Variants in TSPEAR observed in about 807,000 individuals in gnomAD.
TSPEAR encodes the protein thrombospondin type laminin G domain and EAR repeats, also known as thrombospondin-type laminin G domain and EAR repeat-containing protein.
A neutral mutation model predicts 71.6 loss-of-function variants in TSPEAR; 69 were observed. The ratio of observed to expected loss-of-function variants is 0.96; its 90% CI spans 0.79 to 1.18. TSPEAR has a LOEUF of 1.18. Among genes scored for constraint, TSPEAR ranks in the 50% most tolerant of loss-of-function variants. The pLI is 0.00. For synonymous variants in TSPEAR, 402 were observed against 387.2 expected, an observed-to-expected ratio of 1.04 and a Z score of -0.45; for missense variants, 971 against 894.9, an observed-to-expected ratio of 1.09 and a Z score of -1.09.
At chr21:44,647,097 T>C in intron 1 of TSPEAR, 1 of 1,613,188 alleles carries the variant, frequency 6.2e-7, no homozygotes, top group African/African-American at 1.3e-5. Flanking sequence ...GGGCTTCCTC[T>C]TCACGCTGCC....
chr21:44,636,921 G>A lies in TSPEAR; in HGVS notation c.83-68916C>T, dbSNP rs371475319. On this transcript the variant is annotated intron_variant, in intron 1 of 11. Transcript: ENST00000323084. The stretch of plus-strand genomic sequence containing the variant: ...AGGATCTCAGAAGATCCCAGAGCCC[G>A]CCAGGAAGCGCTGTCTTCAAGCATC... Among the ~76,000 whole-genome samples, 13 of 138,578 alleles carry A rather than the reference G, an allele frequency of 9.4e-5. No homozygotes were observed. In the East Asian group the frequency reaches 1.9e-3, roughly 21 times the overall value. The allele number at this position is 138,578 out of a possible 152,430, so 90.9% of individuals were successfully genotyped here.
chr21:44,707,391 G>T (rs1190339634), intron 1 of TSPEAR, among the ~76,000 whole-genome samples: 1 of 152,214 alleles, frequency 6.6e-6, no homozygotes, highest in Non-Finnish European at 1.5e-5. Context: ...GCTGCGGGGC[G>T]CAGGGAGGGG....
intron 2 of TSPEAR, among the ~76,000 whole-genome samples, chr21:44,542,749 AAAAAAAAAAG>A (rs2053241760): frequency 6.6e-6 from 1 of 150,508 alleles, no homozygotes; most frequent in Non-Finnish European, 1.5e-5. Context: ...TGTTAAAAAA[AAAAAAAAAAG>A]AAAAAGAAAA....
chr21:44,706,646 G>A (rs1022278637), intron 1 of TSPEAR, among the ~76,000 whole-genome samples: 3 of 152,238 alleles, frequency 2.0e-5, no homozygotes, highest in African/African-American at 7.2e-5. Flanking sequence ...CAGAGGTGTC[G>A]GGGATCGAGC....
chr21:44,708,225 GGGGAGCTGGGCCCCCTGGACAGA>G (rs1249416102), intron 1 of TSPEAR, among the ~76,000 whole-genome samples: 2 of 152,060 alleles, frequency 1.3e-5, no homozygotes, highest in African/African-American at 2.4e-5. Flanking sequence ...TGGTCTGAGT[GGGGAGCTGGGCCCCCTGGACAGA>G]GGACTGGGCT....
At chr21:44,628,779 C>A (rs1375576662) in intron 1 of TSPEAR, among the ~76,000 whole-genome samples, 2 of 152,192 alleles carry the variant, frequency 1.3e-5, no homozygotes, top group Non-Finnish European at 2.9e-5. Context: ...GCTGTCCCAG[C>A]ACTCAGGAGT....
intron 1 of TSPEAR, among the ~76,000 whole-genome samples, chr21:44,634,470 A>G (rs1474034035): frequency 6.6e-6 from 1 of 152,222 alleles, no homozygotes; most frequent in African/African-American, 2.4e-5. Context: ...CAACAAAAGG[A>G]AAAAATAGAT....
intron 1 of TSPEAR, among the ~76,000 whole-genome samples, chr21:44,690,143 G>T (rs147045519): frequency 2.0e-5 from 3 of 152,022 alleles, no homozygotes; most frequent in African/African-American, 7.2e-5. Context: ...TTGAGAAATC[G>T]CTCTGATTTG....
intron 1 of TSPEAR, among the ~76,000 whole-genome samples, chr21:44,707,310 G>GT (rs2146339874): frequency 6.6e-6 from 1 of 152,028 alleles, no homozygotes; most frequent in Non-Finnish European, 1.5e-5. Flanking sequence ...GGTGGGGGGG[G>GT]GTGCGGGGAG....
At chr21:44,549,354 T>C (rs983931931) in intron 2 of TSPEAR, among the ~76,000 whole-genome samples, 15 of 152,180 alleles carry the variant, frequency 9.9e-5, no homozygotes, top group African/African-American at 3.6e-4. Context: ...CCTTGCCATA[T>C]CTCACAAGAG....
intron 2 of TSPEAR, among the ~76,000 whole-genome samples, chr21:44,545,022 T>TAA (rs587772545): frequency 7.0e-6 from 1 of 143,122 alleles, no homozygotes; most frequent in Non-Finnish European, 1.5e-5. Context: ...TCTCTGTAAT[T>TAA]AAAAAAAAAA....
chr21:44,518,391 A>G (rs2052652479), intron 9 of TSPEAR: 1 of 425,204 alleles, frequency 2.4e-6, no homozygotes, highest in Non-Finnish European at 4.8e-6. Context: ...TGAAGAAGAC[A>G]CTGTAAATTG....
chr21:44,629,421 A>C (rs1983123148), intron 1 of TSPEAR, among the ~76,000 whole-genome samples: 2 of 152,250 alleles, frequency 1.3e-5, no homozygotes, highest in South Asian at 4.1e-4. Flanking sequence ...CTGTGTCCTT[A>C]CGGGGCTGTC....
At chr21:44,547,191 G>C (rs2053315719) in intron 2 of TSPEAR, among the ~76,000 whole-genome samples, 1 of 152,122 alleles carries the variant, frequency 6.6e-6, no homozygotes, top group South Asian at 2.1e-4. Flanking sequence ...ATTTATTTCA[G>C]TTGTTGTAAT....
chr21:44,498,018 G>A lies in TSPEAR; in HGVS notation c.*1765C>T, dbSNP rs1360506758. 3.9e-5 allele frequency: 6 copies of A among 152,328 alleles called. No homozygotes were observed. Among genetic ancestry groups the A allele is most frequent in the African/African-American group, 1.4e-4 (6 of 41,462 alleles). The allele number at this position is 152,328 out of a possible 1,614,324, so 9.4% of individuals were successfully genotyped here. The stretch of plus-strand genomic sequence containing the variant: ...GAAAAGCCGGCTGGAGGGGGCAGAG[G>A]GAGGAGGGTGTGGTCACATGACTGA... On this transcript the variant is annotated 3_prime_UTR_variant, in exon 12 of 12. Transcript: ENST00000323084.
At chr21:44,644,986 G>A (rs7280471) in intron 1 of TSPEAR, among the ~76,000 whole-genome samples, 116,946 of 152,082 alleles carry the variant, frequency 0.77, 45,283 homozygotes, top group African/African-American at 0.86. Context: ...GACTGTCATC[G>A]GCAACACTGG....
intron 1 of TSPEAR, chr21:44,702,409 T>C: frequency 8.6e-7 from 1 of 1,157,390 alleles, no homozygotes; most frequent in Non-Finnish European, 1.2e-6. Context: ...GCCCTTGTGC[T>C]GCCAGCAGTC....
At position 44,710,528 on chromosome 21, in the gene TSPEAR, G is replaced by A. The variant is rs574799687; in HGVS notation, c.82+905C>T. 2.0e-5 allele frequency among the ~76,000 whole-genome samples: 3 copies of A among 152,160 alleles called. No homozygotes were observed. In the South Asian group the frequency reaches 6.2e-4, roughly 32 times the overall value. ...GAGTGCCATCCGAGCAGAGAGCTGT[G>A]GCCCGGTGCCGGGGGTGGACTTCAT... On this transcript the variant is annotated intron_variant, in intron 1 of 11. Coordinates refer to ENST00000323084, the MANE Select transcript of TSPEAR (RefSeq NM_144991.3). This position sits in a 1 kb window ranked among gnomAD's most constrained non-coding sequence, Gnocchi z 4.6.
intron 2 of TSPEAR, among the ~76,000 whole-genome samples, chr21:44,544,815 A>C (rs2053275001): frequency 6.6e-6 from 1 of 152,180 alleles, no homozygotes. Flanking sequence ...CAGAAGCTGG[A>C]GCAGACTGAT....
Sources: allele counts gnomAD v4.1 joint callset (sites outside exome capture counted in the v4.1 genomes callset), GRCh38; gene constraint gnomAD v4.1.1; non-coding constraint Gnocchi (gnomAD v3.1); transcripts MANE v1.5; gene names NCBI Gene and HGNC (gene_info 2026-07-23, HGNC 2026-07-21).